Variants in MYOM1 observed in about 807,000 individuals in gnomAD.
MYOM1 encodes myomesin 1.
A neutral mutation model predicts 205.3 loss-of-function variants in MYOM1; 164 were observed. The ratio of observed to expected loss-of-function variants is 0.80; its 90% confidence interval spans 0.70 to 0.91. The LOEUF is 0.91. Ranked by LOEUF, MYOM1 falls within the 40% of genes least tolerant of loss-of-function variation. The pLI is 0.00. For synonymous variants in MYOM1, 772 were observed against 789.4 expected (o/e 0.98, Z 0.37); for missense variants, 2,011 against 2,127.3 (o/e 0.95, Z 1.08).
intron 10 of MYOM1, among the ~76,000 whole-genome samples, chr18:3,157,856 G>A (rs1398403738): frequency 6.6e-6 from 1 of 151,830 alleles, no homozygotes; most frequent in Non-Finnish European, 1.5e-5. Context: ...GGGGCCCACA[G>A]CACCCTTCAG....
At chr18:3,153,974 T>A (rs1180854634) in intron 11 of MYOM1, among the ~76,000 whole-genome samples, 1 of 152,212 alleles carries the variant, frequency 6.6e-6, no homozygotes, top group African/African-American at 2.4e-5. Flanking sequence ...ACTATAAATA[T>A]CAGAGCCTCT....
intron 2 of MYOM1, among the ~76,000 whole-genome samples, chr18:3,210,840 A>C (rs186815748): frequency 8.5e-5 from 13 of 152,296 alleles, no homozygotes; most frequent in African/African-American, 2.4e-4. Context: ...GCTACTTTCT[A>C]GTGTAATGAA....
At chr18:3,134,927 G>A in intron 15 of MYOM1, 103 bp from the exon 16 acceptor site, 1 of 1,152,110 alleles carries the variant, frequency 8.7e-7, no homozygotes, top group Non-Finnish European at 1.3e-6. Flanking sequence ...ACTTCGTCAT[G>A]TCAAAAGAAC....
the MYOM1 span, among the ~76,000 whole-genome samples, chr18:3,225,074 A>G: frequency 2.7e-5 from 4 of 150,548 alleles, no homozygotes; most frequent in Non-Finnish European, 5.9e-5. Context: ...TGCAAGCTCC[A>G]CCTCCCGGGT....
Position 3,218,931 on chromosome 18 carries a change from TA to T in MYOM1, c.-29+871del, listed in dbSNP as rs1029569960. On this transcript the variant is annotated intron_variant, in intron 1 of 37. Transcript: ENST00000356443. Reference sequence around the variant, plus strand: ...TCTCACATAGATAGTAAGTTACAAGTAAACAGGGTTTGACTTGAAGCCCACA... The same window carrying T: ...TCTCACATAGATAGTAAGTTACAAGTAACAGGGTTTGACTTGAAGCCCACA... Among the ~76,000 whole-genome samples, 17 of 152,292 alleles carry T rather than the reference TA, an allele frequency of 1.1e-4. No homozygotes were observed. In the East Asian group the frequency reaches 1.5e-3, roughly 14 times the overall value.
At chr18:3,127,298 T>C (rs1485039928) in intron 18 of MYOM1, among the ~76,000 whole-genome samples, 2 of 50,086 alleles carry the variant, frequency 4.0e-5, no homozygotes, top group African/African-American at 1.9e-4. Context: ...TATATATATA[T>C]ATATATATTT....
chr18:3,228,103 A>AGT, the MYOM1 span, among the ~76,000 whole-genome samples: 1 of 152,214 alleles, frequency 6.6e-6, no homozygotes, highest in Non-Finnish European at 1.5e-5. This position sits in a 1 kb window ranked among gnomAD's most constrained non-coding sequence, Gnocchi z 4.5. Context: ...GCAGTGGCCA[A>AGT]GTGTCAGCAT....
chr18:3,155,229 A>ATT, intron 10 of MYOM1, 141 bp from the exon 11 acceptor site: 33 of 822,502 alleles, frequency 4.0e-5, no homozygotes, highest in East Asian at 6.5e-5. Context: ...AAATCTTGCT[A>ATT]TTTTTTTTTT....
rs2081170463 is a variant in MYOM1, at chr18:3,209,871, A to C, written c.290+5063T>G. The stretch of plus-strand genomic sequence containing the variant: ...TAACATGTATTACCTTCTGGTATAA[A>C]ATATAATTCTACTTAATATAATAGA... On this transcript the variant is annotated intron_variant, in intron 2 of 37. Transcript: ENST00000356443. The surrounding 1 kb of genome is among the most constrained non-coding windows in gnomAD (Gnocchi z 4.0). 6.6e-6 allele frequency among the ~76,000 whole-genome samples: 1 copy of C among 152,218 alleles called. No individual in the cohort carries two copies. Among genetic ancestry groups the C allele is most frequent in the Non-Finnish European group, 1.5e-5 (1 of 68,032 alleles).
At chr18:3,123,407 C>T (rs181595036) in intron 19 of MYOM1, among the ~76,000 whole-genome samples, 3 of 151,954 alleles carry the variant, frequency 2.0e-5, no homozygotes, top group East Asian at 3.9e-4. Context: ...GAAAATATAT[C>T]GTCTCTATTA....
intron 30 of MYOM1, 49 bp from the exon 31 acceptor site, chr18:3,085,181 A>G: frequency 3.7e-6 from 4 of 1,077,864 alleles, no homozygotes; most frequent in Non-Finnish European, 5.1e-6. Flanking sequence ...GCCCCAGGGC[A>G]CGGTATCTGT....
chr18:3,124,029 G>T lies in MYOM1; in HGVS notation c.2991+2672C>A, dbSNP rs1238925733. 1.3e-5 allele frequency among the ~76,000 whole-genome samples: 2 copies of T among 151,082 alleles called. 1 individual carries two copies. Among genetic ancestry groups the T allele is most frequent in the African/African-American group, 4.9e-5 (2 of 40,676 alleles). On this transcript the variant is annotated intron_variant, in intron 19 of 37. Transcript: ENST00000356443. ...TTTTTGTATTTTTAGTAGAGACAGG[G>T]TTTCACCATGTTGGCCAGGCTGGTC...
the MYOM1 span, chr18:3,246,488 T>A: frequency 6.6e-6 from 1 of 152,004 alleles, no homozygotes; most frequent in Non-Finnish European, 1.5e-5. Flanking sequence ...AACAGATCAC[T>A]TTTGTTTCAA....
the MYOM1 span, among the ~76,000 whole-genome samples, chr18:3,244,441 T>G: frequency 6.6e-6 from 1 of 152,126 alleles, no homozygotes; most frequent in African/African-American, 2.4e-5. Flanking sequence ...TAAGGTTAAA[T>G]GAAGTCATAA....
intron 26 of MYOM1, among the ~76,000 whole-genome samples, chr18:3,092,570 T>TC (rs2079239872): frequency 6.8e-6 from 1 of 147,948 alleles, no homozygotes; most frequent in Non-Finnish European, 1.5e-5. Context: ...ACTTTTTTTT[T>TC]TCCCAGAATG....
intron 5 of MYOM1, among the ~76,000 whole-genome samples, chr18:3,183,446 G>C (rs1054441849): frequency 9.2e-5 from 14 of 152,146 alleles, no homozygotes; most frequent in African/African-American, 3.4e-4. Flanking sequence ...CTGAGTGCTT[G>C]TATCATTTGT....
In MYOM1 at chr18:3,102,574, C is replaced by T. The variant is rs764808541; in HGVS notation, c.3475G>A (p.Glu1159Lys). The change falls in exon 23 of 38, where the codon GAG (glutamate) becomes AAG (lysine). Residue 1159 changes from glutamate to lysine, a missense_variant. By Grantham distance (56) the Glu-to-Lys change is moderately conservative (BLOSUM62 1). Coordinates refer to ENST00000356443, the MANE Select transcript of MYOM1 (RefSeq NM_003803.4). ...GACTTTGGAGTCATCTTATCACACT[C>T]GAAGTTCAATGAAATGACTCCATCA... ...DDDGVISLNF[E>K]CDKMTPKSEF... The T allele has an allele frequency of 1.5e-5, 25 of 1,613,720 alleles. No homozygotes were observed. The highest frequency in any genetic ancestry group is 6.7e-5 in the Admixed American group (4 of 59,996).
intron 26 of MYOM1, among the ~76,000 whole-genome samples, chr18:3,093,918 G>A (rs553130913): frequency 2.6e-5 from 4 of 152,140 alleles, no homozygotes; most frequent in African/African-American, 9.6e-5. Context: ...CATACATCTC[G>A]GTTTGCCTGA....
intron 16 of MYOM1, among the ~76,000 whole-genome samples, chr18:3,132,388 G>A (rs2143894892): frequency 6.6e-6 from 1 of 152,012 alleles, no homozygotes; most frequent in African/African-American, 2.4e-5. Flanking sequence ...CCGACCTCGT[G>A]ATCCACCCAC....
Sources: gnomAD v4.1 joint callset for allele counts (sites outside exome capture counted in the v4.1 genomes callset) on GRCh38, gnomAD v4.1.1 for gene constraint, Gnocchi (gnomAD v3.1) non-coding constraint, MANE v1.5 for transcripts, NCBI Gene and HGNC (gene_info 2026-07-23, HGNC 2026-07-21) for gene names.